The following HHIPL2 variants were observed in gnomAD, a reference collection of about 807,000 sequenced individuals.
HHIPL2 encodes the protein HHIP like 2, also known as HHIP-like protein 2.
In HHIPL2, 61 loss-of-function variants were observed where a neutral mutation model predicts 61.0. The ratio of observed to expected loss-of-function variants is 1.00; its 90% CI spans 0.81 to 1.24. The LOEUF (loss-of-function observed/expected upper bound fraction) is 1.24. Ranked by LOEUF, HHIPL2 falls within the 50% of genes most tolerant of loss-of-function variation. HHIPL2 has a pLI of 0.00. For synonymous variants in HHIPL2, 343 were observed against 357.4 expected, an observed-to-expected ratio of 0.96 and a Z score of 0.45; for missense variants, 885 against 910.2, an observed-to-expected ratio of 0.97 and a Z score of 0.36.
intron 5 of HHIPL2, among the ~76,000 whole-genome samples, chr1:222,533,450 G>C (rs1211311394): frequency 6.6e-6 from 1 of 152,094 alleles, no homozygotes; most frequent in South Asian, 2.1e-4. Context: ...GCAGGGTGGT[G>C]AGTGGAGGTT....
intron 7 of HHIPL2, among the ~76,000 whole-genome samples, chr1:222,524,712 T>A (rs764515070): frequency 6.6e-6 from 1 of 152,204 alleles, no homozygotes; most frequent in Non-Finnish European, 1.5e-5. Flanking sequence ...AAAGGATACA[T>A]AAATTAACCA....
At chr1:222,537,644 A>G (rs2102617367) in intron 5 of HHIPL2, among the ~76,000 whole-genome samples, 1 of 151,812 alleles carries the variant, frequency 6.6e-6, no homozygotes, top group African/African-American at 2.4e-5. Flanking sequence ...AAAAAAAAAA[A>G]AAGAAAGTAA....
Position 222,547,941 on chromosome 1 carries a change from T to C in HHIPL2, c.104A>G (p.Gln35Arg). The C allele has an allele frequency of 6.2e-7, 1 of 1,612,970 alleles. No homozygotes were observed. The highest frequency in any genetic ancestry group is 8.5e-7 in the Non-Finnish European group (1 of 1,179,208). The change falls in exon 1 of 9, where the codon CAG becomes CGG. Residue 35 changes from glutamine to arginine, a missense_variant. Physicochemically the swap from Gln to Arg is conservative, Grantham distance 43 (BLOSUM62 1). Transcript: ENST00000343410. ...GGGGTGTCCCTGCAGCAAGCCCACC[T>C]GGCCCAACAAGAATATGAGGCAGAG... ...LCLCLIFLLGQVGLLQGHPQC... is the reference protein window; with the variant it reads ...LCLCLIFLLGRVGLLQGHPQC...
intron 1 of HHIPL2, among the ~76,000 whole-genome samples, chr1:222,546,630 C>T (rs553715202): frequency 6.6e-6 from 1 of 152,312 alleles, no homozygotes; most frequent in African/African-American, 2.4e-5. Context: ...AAAAGCTCAG[C>T]TTCTACCCTA....
chr1:222,538,888 T>C (rs1421342618), intron 4 of HHIPL2, 114 bp from the exon 5 acceptor site: 12 of 1,037,024 alleles, frequency 1.2e-5, no homozygotes, highest in Non-Finnish European at 1.7e-5. Flanking sequence ...ACACTTTACC[T>C]CTTGGTCTTC....
At chr1:222,537,863 G>A (rs185300560) in intron 5 of HHIPL2, among the ~76,000 whole-genome samples, 1 of 151,874 alleles carries the variant, frequency 6.6e-6, no homozygotes, top group East Asian at 1.9e-4. Flanking sequence ...AACACTAAGA[G>A]ACAGGTAAAT....
chr1:222,531,470 G>A (rs1439972856), intron 6 of HHIPL2, among the ~76,000 whole-genome samples: 3 of 152,190 alleles, frequency 2.0e-5, no homozygotes, highest in South Asian at 2.1e-4. Context: ...TCATGGAGCC[G>A]GGCGCGGTGG....
intron 1 of HHIPL2, among the ~76,000 whole-genome samples, chr1:222,545,065 A>AT (rs1659526378): frequency 6.6e-6 from 1 of 152,178 alleles, no homozygotes; most frequent in Admixed American, 6.5e-5. Context: ...AGACTATAAC[A>AT]TTTTTTAGGA....
intron 7 of HHIPL2, among the ~76,000 whole-genome samples, chr1:222,526,261 AT>A (rs1659061654): frequency 6.6e-6 from 1 of 152,176 alleles, no homozygotes; most frequent in Non-Finnish European, 1.5e-5. Flanking sequence ...AGGTAGAGCT[AT>A]TGAGGAACCT....
chr1:222,542,436 T>C (rs1659451847), intron 2 of HHIPL2, among the ~76,000 whole-genome samples: 1 of 151,164 alleles, frequency 6.6e-6, no homozygotes, highest in South Asian at 2.1e-4. Flanking sequence ...CAATCTCACC[T>C]CACTGCAACC....
At chr1:222,539,879 C>G in intron 4 of HHIPL2, 131 bp downstream of exon 4, 1 of 740,652 alleles carries the variant, frequency 1.4e-6, no homozygotes. Flanking sequence ...TGGAGAAGCA[C>G]TACACCACAG....
chr1:222,534,779 A>G (rs1473735094), intron 5 of HHIPL2, among the ~76,000 whole-genome samples: 1 of 152,048 alleles, frequency 6.6e-6, no homozygotes. Flanking sequence ...CCAAAATAAA[A>G]CACAGAGAAA....
Position 222,540,287 on chromosome 1 carries a change from A to G in HHIPL2, c.1173T>C (p.His391=). 6 of 1,614,198 alleles carry G rather than the reference A, an allele frequency of 3.7e-6. No homozygotes were observed. Among genetic ancestry groups the G allele is most frequent in the Non-Finnish European group, 3.4e-6 (4 of 1,180,022 alleles). Residue 391 remains histidine, a synonymous_variant, in exon 4 of 9, where the codon CAT becomes CAC. Coordinates refer to ENST00000343410, the MANE Select transcript of HHIPL2 (RefSeq NM_024746.4). ...LRIDVNRAGS[H]GKRYRVPSDN... is the part of the protein sequence containing the mutation. ...CCGAGGGGACTCGGTACCGCTTGCCATGTGAGCCTGCCCTGTTCACATCGA... is the reference window on the plus strand; with the variant it reads ...CCGAGGGGACTCGGTACCGCTTGCCGTGTGAGCCTGCCCTGTTCACATCGA...
Position 222,538,770 on chromosome 1 carries a change from A to G in HHIPL2, c.1455T>C (p.Asp485=). Residue 485 remains aspartate (D), a synonymous_variant, in exon 5 of 9, where the codon GAT becomes GAC. Transcript: ENST00000343410. ...GGCCATAAGCATAGATTGGCAGAACATCATCTGTCCAGGAGAGAGGAAAGA... is the reference window on the plus strand; with the variant it reads ...GGCCATAAGCATAGATTGGCAGAACGTCATCTGTCCAGGAGAGAGGAAAGA... ...KKLCHNASLD[D]VLPIYAYGHA... is the part of the protein sequence containing the mutation. The G allele has an allele frequency of 6.2e-7, 1 of 1,614,192 alleles. No homozygotes were observed. Among genetic ancestry groups the G allele is most frequent in the Non-Finnish European group, 8.5e-7 (1 of 1,180,024 alleles).
In HHIPL2 at chr1:222,531,921, C is replaced by G. The variant is rs201003708; in HGVS notation, c.1723+45G>C. ...CGTTCAGTTGATGCCTGTGATTATC[C>G]GAGTTCTAGTAAGCAGAAATCAAAC... On this transcript the variant is annotated intron_variant, in intron 6 of 8. Coordinates refer to ENST00000343410, the MANE Select transcript of HHIPL2 (RefSeq NM_024746.4). 2.6e-6 allele frequency: 4 copies of G among 1,540,074 alleles called. No individual in the cohort carries two copies. The South Asian group carries it at 4.8e-5, about 18-fold the overall frequency.
At position 222,543,619 on chromosome 1, in the gene HHIPL2, T is replaced by G; in HGVS notation, c.892A>C (p.Lys298Gln). ...ATTCGGATCTTTTCTACCTTCTTCT[T>G]GTCCAGGCACGAATAATAAATATAG... is the stretch of plus-strand genomic sequence containing the variant. ...KFYIYYSCLD[K>Q]KKVEKIRISE... Residue 298 changes from lysine (K) to glutamine (Q), a missense_variant, in exon 2 of 9, where the codon AAG becomes CAG. Lys to Gln is a moderately conservative substitution (Grantham distance 53, BLOSUM62 1). Transcript: ENST00000343410. The G allele has an allele frequency of 6.2e-7, 1 of 1,614,178 alleles. No individual in the cohort carries two copies. The highest frequency in any genetic ancestry group is 8.5e-7 in the Non-Finnish European group (1 of 1,180,022).
Position 222,542,057 on chromosome 1 carries a change from C to T in HHIPL2, c.1073G>A (p.Gly358Glu). Residue 358 changes from glycine (G) to glutamate (E), a missense_variant, in exon 3 of 9, where the codon GGA (glycine) becomes GAA (glutamate). By Grantham distance (98) the Gly-to-Glu change is moderately conservative. Transcript: ENST00000343410. ...CAGGCCAAAGGGATCTCCAGCCTGT[C>T]CCCCGTCCCCAGTGAATATGTACAT... ...GYMYIFTGDGGQAGDPFGLFG... is the reference protein window; with the variant it reads ...GYMYIFTGDGEQAGDPFGLFG... 1 of 1,613,928 alleles carries T rather than the reference C, an allele frequency of 6.2e-7. No individual in the cohort carries two copies. Among genetic ancestry groups the T allele is most frequent in the Non-Finnish European group, 8.5e-7 (1 of 1,179,982 alleles).
intron 6 of HHIPL2, among the ~76,000 whole-genome samples, chr1:222,530,743 CTTTTCTTGTGT>C (rs1659169782): frequency 7.8e-6 from 1 of 127,990 alleles, no homozygotes. Flanking sequence ...TAAATTTTTT[CTTTTCTTGTGT>C]ATTTTTTGTG....
chr1:222,524,022 A>G (rs1228455957), intron 7 of HHIPL2: 2 of 298,052 alleles, frequency 6.7e-6, no homozygotes, highest in African/African-American at 4.3e-5. Context: ...TCAAATGCAA[A>G]AACTAATGTT....
Sources: gnomAD v4.1 joint callset for allele counts (sites outside exome capture counted in the v4.1 genomes callset) on GRCh38, gnomAD v4.1.1 for gene constraint, MANE v1.5 for transcripts, NCBI Gene and HGNC (gene_info 2026-07-23, HGNC 2026-07-21) for gene names.